PAPPA2: variants seen among roughly 807,000 people sequenced by gnomAD.
PAPPA2 encodes pappalysin-2.
Under a neutral mutation model 176.4 loss-of-function variants are expected in PAPPA2, and 86 were observed. That is an observed-to-expected ratio of 0.49 (90% CI 0.41 to 0.58). PAPPA2 has a LOEUF of 0.58. Among genes scored for constraint, PAPPA2 ranks in the 20% least tolerant of loss-of-function variants. The probability of loss-of-function intolerance (pLI) is 0.00; values close to 1 mark genes in which losing one functional copy is unlikely to be tolerated. For synonymous variants in PAPPA2, 809 were observed against 852.2 expected, an observed-to-expected ratio of 0.95 and a Z score of 0.88; for missense variants, 2,073 against 2,256.9, an observed-to-expected ratio of 0.92 and a Z score of 1.65.
At chr1:176,709,215 G>C (rs911003080) in intron 10 of PAPPA2, among the ~76,000 whole-genome samples, 2 of 152,048 alleles carry the variant, frequency 1.3e-5, no homozygotes, top group Admixed American at 1.3e-4. Flanking sequence ...CAGCCCCTCT[G>C]TCTTAGTTTG....
At chr1:176,837,188 A>G (rs1193466968) in intron 21 of PAPPA2, among the ~76,000 whole-genome samples, 3 of 152,230 alleles carry the variant, frequency 2.0e-5, no homozygotes, top group African/African-American at 7.2e-5. Flanking sequence ...GAACCCAGCT[A>G]GAAAAGCCGT....
At chr1:176,775,419 A>G (rs755493864) in intron 17 of PAPPA2, among the ~76,000 whole-genome samples, 1 of 152,206 alleles carries the variant, frequency 6.6e-6, no homozygotes, top group Non-Finnish European at 1.5e-5. Context: ...TTAAACATAT[A>G]TAAGTAATTT....
intron 3 of PAPPA2, among the ~76,000 whole-genome samples, chr1:176,664,538 C>G (rs1658522530): frequency 6.6e-6 from 1 of 152,156 alleles, no homozygotes; most frequent in Admixed American, 6.5e-5. Flanking sequence ...AAAGCCTGTA[C>G]TTTTAGTCAA....
intron 3 of PAPPA2, among the ~76,000 whole-genome samples, chr1:176,628,133 G>A (rs1656132694): frequency 6.6e-6 from 1 of 152,128 alleles, no homozygotes; most frequent in Non-Finnish European, 1.5e-5. Flanking sequence ...AAGCTACATG[G>A]GTGCAGACAG....
intron 3 of PAPPA2, among the ~76,000 whole-genome samples, chr1:176,660,335 TTTG>T (rs1553383274): frequency 7.3e-6 from 1 of 136,840 alleles, no homozygotes; most frequent in Non-Finnish European, 1.6e-5. Context: ...TAATTGTTTG[TTTG>T]TGTGTGTGTG....
rs770338046 is a variant in PAPPA2 at position 176,710,152 on chromosome 1, G to A, written c.3627G>A (p.Leu1209=). The stretch of plus-strand genomic sequence containing the variant: ...ACAAGAAGAAGTGTCCTGTTTCCTT[G>A]GTAACTGGAGAACCTCATTCCCTAG... ...HEDKKKCPVS[L]VTGEPHSLIC... Residue 1209 remains leucine, a synonymous_variant, in exon 11 of 23, where the codon TTG becomes TTA. Transcript: ENST00000367662. 4 of 1,613,454 alleles carry A rather than the reference G, an allele frequency of 2.5e-6. No individual in the cohort carries two copies. Among genetic ancestry groups the A allele is most frequent in the Non-Finnish European group, 3.4e-6 (4 of 1,179,654 alleles).
rs1198018544 is a variant in PAPPA2, at chr1:176,511,889, C to T, written c.-916-43518C>T. Reference sequence around the variant, plus strand: ...TGAAACTTACACTATTGGGTTCTCTCCTACTTGGTAGGTGATGATTGGACT... The same window carrying T: ...TGAAACTTACACTATTGGGTTCTCTTCTACTTGGTAGGTGATGATTGGACT... On this transcript the variant is annotated intron_variant, in intron 1 of 22. Transcript: ENST00000367662. Among the ~76,000 whole-genome samples, 2 of 152,086 alleles carry T rather than the reference C, an allele frequency of 1.3e-5. 1 individual carries two copies. The highest frequency in any genetic ancestry group is 3.9e-4 in the East Asian group (2 of 5,190).
intron 1 of PAPPA2, among the ~76,000 whole-genome samples, chr1:176,519,531 G>A (rs1363942359): frequency 2.0e-5 from 3 of 152,126 alleles, no homozygotes; most frequent in Non-Finnish European, 2.9e-5. Flanking sequence ...TTCAGATGAA[G>A]GTCCAGGGTC....
Position 176,695,874 on chromosome 1 carries a change from C to A in PAPPA2, c.2746+15C>A. 6.2e-7 allele frequency: 1 copy of A among 1,612,860 alleles called. No homozygotes were observed. Among genetic ancestry groups the A allele is most frequent in the Non-Finnish European group, 8.5e-7 (1 of 1,179,802 alleles). On this transcript the variant is annotated intron_variant, in intron 7 of 22. Transcript: ENST00000367662. ...GGAGGCTGTGGGTAAAGTACCATGA[C>A]ATTTTTTCTTTATACCCTGGTGACC...
intron 3 of PAPPA2, among the ~76,000 whole-genome samples, chr1:176,599,345 T>A (rs544274394): frequency 6.6e-6 from 1 of 152,204 alleles, no homozygotes; most frequent in South Asian, 2.1e-4. Context: ...TTTGGACACT[T>A]ATGCCCCTGG....
rs141111477 is a variant in PAPPA2 at position 176,556,717 on chromosome 1, A to G, written c.395A>G (p.Asp132Gly). 1.2e-6 allele frequency: 2 copies of G among 1,613,936 alleles called. No individual in the cohort carries two copies. The highest frequency in any genetic ancestry group is 1.3e-5 in the African/African-American group (1 of 74,920). ...GAGCCGGCTGCCCCATGGGTAGGGG[A>G]TAGTCCTATTGGGCAATCTGAGCTG... ...VEEPAAPWVG[D>G]SPIGQSELLG... Residue 132 changes from aspartate (D) to glycine (G), a missense_variant, in exon 2 of 23, where the codon GAT becomes GGT. By Grantham distance (94) the Asp-to-Gly change is moderately conservative. This residue lies in a region of PAPPA2 where 1,196 missense variants were observed against 1,330.4 expected (regional missense o/e 0.90). Coordinates refer to ENST00000367662, the MANE Select transcript of PAPPA2 (RefSeq NM_020318.3).
chr1:176,517,262 T>C (rs1314719490), intron 1 of PAPPA2, among the ~76,000 whole-genome samples: 1 of 152,064 alleles, frequency 6.6e-6, no homozygotes, highest in East Asian at 1.9e-4. Flanking sequence ...AGACAGCAAA[T>C]CGGGAATGGC....
At chr1:176,825,035 C>A (rs2102977861) in intron 21 of PAPPA2, among the ~76,000 whole-genome samples, 1 of 152,204 alleles carries the variant, frequency 6.6e-6, no homozygotes, top group Admixed American at 6.5e-5. Context: ...GAGCGCCAAC[C>A]CTGTGTGGAA....
At chr1:176,623,590 CCTTCCTT>C (rs1655728928) in intron 3 of PAPPA2, among the ~76,000 whole-genome samples, 1 of 142,682 alleles carries the variant, frequency 7.0e-6, no homozygotes, top group East Asian at 2.3e-4. Flanking sequence ...TTCCTTCCTT[CCTTCCTT>C]CCTTCCTTCC....
intron 3 of PAPPA2, among the ~76,000 whole-genome samples, chr1:176,633,055 TTGA>T (rs571621175): frequency 1.6e-4 from 24 of 151,984 alleles, no homozygotes; most frequent in African/African-American, 5.8e-4. Context: ...TCACAATAAC[TTGA>T]TGATTTAAGA....
At chr1:176,609,246 C>A (rs1272911103) in intron 3 of PAPPA2, among the ~76,000 whole-genome samples, 1 of 152,222 alleles carries the variant, frequency 6.6e-6, no homozygotes, top group Admixed American at 6.5e-5. Flanking sequence ...CATATTCATT[C>A]ATTCATATTC....
At chr1:176,652,437 A>C (rs532230641) in intron 3 of PAPPA2, among the ~76,000 whole-genome samples, 10 of 151,730 alleles carry the variant, frequency 6.6e-5, no homozygotes, top group Non-Finnish European at 1.3e-4. Context: ...TCTAGTAAAC[A>C]ATCAGAGTGT....
intron 21 of PAPPA2, among the ~76,000 whole-genome samples, chr1:176,828,501 A>G (rs1666945086): frequency 6.7e-6 from 1 of 149,894 alleles, no homozygotes; most frequent in South Asian, 2.1e-4. Flanking sequence ...ATTATATATT[A>G]TTAATTATTA....
chr1:176,798,005 C>A (rs372139730), intron 20 of PAPPA2, among the ~76,000 whole-genome samples: 2 of 152,264 alleles, frequency 1.3e-5, no homozygotes, highest in South Asian at 2.1e-4. Flanking sequence ...AGTAGGAATG[C>A]TAGATAGTCC....
Sources: gnomAD v4.1 joint callset for allele counts (sites outside exome capture counted in the v4.1 genomes callset) on GRCh38, gnomAD v4.1.1 for gene constraint, gnomAD v4.1.1 regional missense constraint, MANE v1.5 for transcripts, NCBI Gene and HGNC (gene_info 2026-07-23, HGNC 2026-07-21) for gene names.